Variants in TEX36 observed in about 807,000 individuals in gnomAD.
The protein encoded by TEX36 is testis-expressed protein 36.
Under a neutral mutation model 13.6 loss-of-function variants are expected in TEX36, and 12 were observed. The ratio of observed to expected loss-of-function variants is 0.88; its 90% CI spans 0.56 to 1.43. The LOEUF is 1.43. TEX36 is among the 40% of genes most tolerant of loss of function. The pLI, the probability that TEX36 is intolerant of heterozygous loss-of-function variation, is 0.00. For synonymous variants in TEX36, 93 were observed against 83.0 expected (o/e 1.12, Z -0.65); for missense variants, 224 against 228.3 (o/e 0.98, Z 0.12).
At chr10:125,619,530 T>C (rs755194750), downstream of TEX36, among the ~76,000 whole-genome samples, 18 of 152,056 alleles carry the variant, frequency 1.2e-4, no homozygotes, top group Admixed American at 2.6e-4. Context: ...AAAGCTCAGA[T>C]GGTGAAGTAA....
intron 1 of TEX36, among the ~76,000 whole-genome samples, chr10:125,670,578 A>C (rs1462087147): frequency 1.5e-4 from 23 of 152,130 alleles, no homozygotes; most frequent in Admixed American, 1.5e-3. Flanking sequence ...GCTGTGCAGA[A>C]GCTCTTTAGT....
intron 3 of TEX36, among the ~76,000 whole-genome samples, chr10:125,611,731 A>T (rs1210751295): frequency 6.6e-6 from 1 of 152,052 alleles, no homozygotes; most frequent in Admixed American, 6.5e-5. Flanking sequence ...ACAGGGTCAA[A>T]TTTTGCAATG....
intron 3 of TEX36, among the ~76,000 whole-genome samples, chr10:125,592,246 G>A (rs766409886): frequency 9.9e-5 from 15 of 152,138 alleles, no homozygotes; most frequent in African/African-American, 3.4e-4. Context: ...TGAGGAAAGC[G>A]AGGCTGGGGG....
intron 3 of TEX36, among the ~76,000 whole-genome samples, chr10:125,640,649 G>A (rs12255553): frequency 1.4e-3 from 206 of 152,216 alleles, no homozygotes; most frequent in African/African-American, 4.6e-3. Context: ...CAGGATTAGC[G>A]CAATTGACTG....
chr10:125,650,355 G>A (rs1393274151), intron 3 of TEX36, among the ~76,000 whole-genome samples: 1 of 152,120 alleles, frequency 6.6e-6, no homozygotes, highest in Admixed American at 6.6e-5. Context: ...ACTCAAAACA[G>A]CTCAACTACA....
chr10:125,658,095 T>C (rs1846975516), intron 3 of TEX36, among the ~76,000 whole-genome samples: 1 of 152,112 alleles, frequency 6.6e-6, no homozygotes. Flanking sequence ...ATAATGTGAA[T>C]GGGCTAAATT....
chr10:125,650,337 A>T (rs1012026380), intron 3 of TEX36, among the ~76,000 whole-genome samples: 1 of 152,240 alleles, frequency 6.6e-6, no homozygotes, highest in African/African-American at 2.4e-5. Context: ...CTCAGGATTA[A>T]GAAACTCACT....
downstream of TEX36, among the ~76,000 whole-genome samples, chr10:125,619,668 T>C (rs1846404228): frequency 6.6e-6 from 1 of 151,970 alleles, no homozygotes; most frequent in Non-Finnish European, 1.5e-5. Context: ...GCAATTCTCC[T>C]GCCTCAGCCT....
chr10:125,648,963 A>G (rs1305324793), intron 3 of TEX36, among the ~76,000 whole-genome samples: 1 of 152,244 alleles, frequency 6.6e-6, no homozygotes, highest in Non-Finnish European at 1.5e-5. Flanking sequence ...GAGAAAAAAG[A>G]GTAAAAAGAA....
downstream of TEX36, among the ~76,000 whole-genome samples, chr10:125,618,942 T>TAAAA (rs11452140): frequency 3.7e-4 from 16 of 43,566 alleles, no homozygotes; most frequent in Non-Finnish European, 5.0e-4. Flanking sequence ...CCGTCTCTAC[T>TAAAA]AAAAAAAAAA....
At chr10:125,583,050 C>A (rs1845902248) in intron 3 of TEX36, among the ~76,000 whole-genome samples, 1 of 152,212 alleles carries the variant, frequency 6.6e-6, no homozygotes, top group African/African-American at 2.4e-5. Context: ...TATCCTACCA[C>A]ACAATCAGAA....
chr10:125,587,120 G>A (rs915862914), intron 3 of TEX36, among the ~76,000 whole-genome samples: 4 of 152,152 alleles, frequency 2.6e-5, no homozygotes, highest in South Asian at 2.1e-4. Flanking sequence ...AGCCTGTACA[G>A]TTCACAGAAC....
At chr10:125,663,140 C>A (rs1230807617) in intron 1 of TEX36, among the ~76,000 whole-genome samples, 1 of 152,220 alleles carries the variant, frequency 6.6e-6, no homozygotes, top group Non-Finnish European at 1.5e-5. Context: ...AGAGACTAAA[C>A]TTTCTCAAGC....
intron 3 of TEX36, among the ~76,000 whole-genome samples, chr10:125,586,058 G>T (rs1845943599): frequency 2.0e-5 from 3 of 152,216 alleles, no homozygotes; most frequent in Admixed American, 6.5e-5. Flanking sequence ...CGGCAACTGT[G>T]TGCAGGTGGG....
At chr10:125,660,217 T>G (rs1847012108) in intron 3 of TEX36, among the ~76,000 whole-genome samples, 1 of 152,154 alleles carries the variant, frequency 6.6e-6, no homozygotes, top group Non-Finnish European at 1.5e-5. Flanking sequence ...CTTGAACTCC[T>G]GAGCTCAAGT....
rs79396625 is a variant in TEX36, at chr10:125,632,646, C to G, written c.265-11001G>C. Among the ~76,000 whole-genome samples the G allele has an allele frequency of 2.0e-3, 304 of 152,274 alleles. 2 individuals carry two copies. Among genetic ancestry groups the G allele is most frequent in the African/African-American group, 7.1e-3 (297 of 41,568 alleles). On this transcript the variant is annotated intron_variant, in intron 3 of 3. Coordinates refer to the TEX36 transcript ENST00000526819. ...AGAAAGGAAAGAGCGGGAGAACAAG[C>G]CCAGCTGGTGTATCTGTCACCAGCT...
chr10:125,577,540 A>C (rs1420040036), intron 3 of TEX36, among the ~76,000 whole-genome samples: 2 of 152,248 alleles, frequency 1.3e-5, no homozygotes, highest in Admixed American at 6.5e-5. Flanking sequence ...ATAAGTATTC[A>C]TTATTTTAAA....
intron 3 of TEX36, among the ~76,000 whole-genome samples, chr10:125,598,119 C>T (rs1472688545): frequency 1.3e-5 from 2 of 152,168 alleles, no homozygotes; most frequent in East Asian, 1.9e-4. Context: ...TGTGGGCCAC[C>T]TGCAAATATG....
In TEX36 at chr10:125,576,942, C is replaced by A. The variant is rs192247865; in HGVS notation, c.265-68G>T. Reference sequence around the variant, plus strand: ...GCTTAAATCCTTGTAGTTCAGCAATCAGAGAGGAAAGGGGGCCTTATTCTC... The same window carrying A: ...GCTTAAATCCTTGTAGTTCAGCAATAAGAGAGGAAAGGGGGCCTTATTCTC... On this transcript the variant is annotated intron_variant, in intron 3 of 3. Transcript: ENST00000532135. 3.3e-6 allele frequency: 5 copies of A among 1,528,866 alleles called. No individual in the cohort carries two copies. In the East Asian group the frequency reaches 1.2e-4, roughly 37 times the overall value. 94.7% of individuals were successfully genotyped at this position (1,528,866 alleles called of 1,614,324 possible).
Sources: allele counts gnomAD v4.1 joint callset (sites outside exome capture counted in the v4.1 genomes callset), GRCh38; gene constraint gnomAD v4.1.1; transcripts MANE v1.5; gene names NCBI Gene and HGNC (gene_info 2026-07-23, HGNC 2026-07-21).